Variants in TBCEL observed in about 807,000 individuals in gnomAD.
TBCEL encodes the protein tubulin-specific chaperone cofactor E-like protein.
A neutral mutation model predicts 44.2 loss-of-function variants in TBCEL; 15 were observed. That is an observed-to-expected ratio of 0.34 (90% CI 0.23 to 0.52). The LOEUF (loss-of-function observed/expected upper bound fraction) is 0.52. TBCEL is among the 20% of genes least tolerant of loss of function. The pLI, the probability that TBCEL is intolerant of heterozygous loss-of-function variation, is 0.95. For synonymous variants in TBCEL, 171 were observed against 185.4 expected, an observed-to-expected ratio of 0.92 and a Z score of 0.63; for missense variants, 319 against 506.3, an observed-to-expected ratio of 0.63 and a Z score of 3.55.
chr11:121,078,266 A>C (rs1029053072), intron 8 of TBCEL, among the ~76,000 whole-genome samples: 1 of 152,006 alleles, frequency 6.6e-6, no homozygotes, highest in African/African-American at 2.4e-5. Flanking sequence ...TTGTTGTTCT[A>C]CCAGTTTTTG....
At chr11:121,045,848 C>G (rs745923396) in intron 3 of TBCEL, 25 bp downstream of exon 3, 22 of 1,543,516 alleles carry the variant, frequency 1.4e-5, no homozygotes, top group Non-Finnish European at 1.7e-5. Context: ...ACCTAAAACA[C>G]TTATTTAGTG....
chr11:121,047,390 A>G (rs1202711359), intron 3 of TBCEL, 138 bp from the exon 4 acceptor site: 52 of 1,069,196 alleles, frequency 4.9e-5, no homozygotes, highest in Non-Finnish European at 7.0e-5. Context: ...CTTTGGTCCC[A>G]TTATATCCTG....
At chr11:121,035,070 A>T (rs577921376) in intron 1 of TBCEL, among the ~76,000 whole-genome samples, 1 of 152,352 alleles carries the variant, frequency 6.6e-6, no homozygotes, top group Admixed American at 6.5e-5. Flanking sequence ...ATTGCAAGTT[A>T]GTCCTCCAGC....
At chr11:121,058,866 G>T (rs1945669190) in intron 7 of TBCEL, among the ~76,000 whole-genome samples, 1 of 151,848 alleles carries the variant, frequency 6.6e-6, no homozygotes, top group South Asian at 2.1e-4. Flanking sequence ...TGTTTCATTA[G>T]TGGAAAACTT....
chr11:121,055,212 G>T lies in TBCEL; in HGVS notation c.616G>T (p.Val206Phe). Residue 206 changes from valine (V) to phenylalanine (F), a missense_variant, in exon 6 of 9, where the codon GTC (valine) becomes TTC (phenylalanine). By Grantham distance (50) the Val-to-Phe change is conservative. Coordinates refer to ENST00000683345, the MANE Select transcript of TBCEL (RefSeq NM_001363644.2). The stretch of plus-strand genomic sequence containing the variant: ...TATGTTTCCTTCACTGGATACCCTC[G>T]TCCTGGCCAACAATCATTTGAATGC... ...GVMFPSLDTL[V>F]LANNHLNAIE... 1 of 1,612,178 alleles carries T rather than the reference G, an allele frequency of 6.2e-7. No individual in the cohort carries two copies. Among genetic ancestry groups the T allele is most frequent in the Non-Finnish European group, 8.5e-7 (1 of 1,178,966 alleles).
At chr11:121,068,989 G>A (rs1945875244) in intron 8 of TBCEL, among the ~76,000 whole-genome samples, 1 of 151,422 alleles carries the variant, frequency 6.6e-6, no homozygotes, top group African/African-American at 2.4e-5. Flanking sequence ...GTTCCCTGTT[G>A]AGAATGCACC....
At chr11:121,044,293 G>A (rs748468826) in intron 2 of TBCEL, among the ~76,000 whole-genome samples, 4 of 151,944 alleles carry the variant, frequency 2.6e-5, no homozygotes, top group Non-Finnish European at 4.4e-5. Flanking sequence ...CTAAAACTTC[G>A]TTGTTGTATT....
At chr11:121,026,085 AATT>A (rs1179459305) in intron 1 of TBCEL, among the ~76,000 whole-genome samples, 1 of 152,222 alleles carries the variant, frequency 6.6e-6, no homozygotes, top group East Asian at 1.9e-4. Context: ...TTACTGCAGT[AATT>A]ATTATGATAT....
chr11:121,080,013 C>T (rs763719163), intron 8 of TBCEL, among the ~76,000 whole-genome samples: 1 of 152,180 alleles, frequency 6.6e-6, no homozygotes, highest in East Asian at 1.9e-4. Context: ...GACGGGGTTT[C>T]ACCATGTTGG....
intron 8 of TBCEL, among the ~76,000 whole-genome samples, chr11:121,066,943 A>G (rs922673122): frequency 6.6e-6 from 1 of 152,150 alleles, no homozygotes; most frequent in Non-Finnish European, 1.5e-5. Context: ...CATTTAATGA[A>G]ATTTTTTTAA....
chr11:121,024,899 T>A (rs1945018816), intron 1 of TBCEL, among the ~76,000 whole-genome samples: 1 of 152,098 alleles, frequency 6.6e-6, no homozygotes, highest in Admixed American at 6.5e-5. Flanking sequence ...GTTGGGAGAC[T>A]GAGAACGAGG....
At chr11:121,071,590 A>G (rs1440020822) in intron 8 of TBCEL, among the ~76,000 whole-genome samples, 1 of 152,192 alleles carries the variant, frequency 6.6e-6, no homozygotes, top group Non-Finnish European at 1.5e-5. Context: ...TGTCCCAAGT[A>G]ATCCCTAAAC....
In TBCEL at chr11:121,089,125, T is replaced by A. The variant is rs557368079; in HGVS notation, c.*2029T>A. ...AGTGTAATTGAGCCCTTTGCTTTTG[T>A]CAGCCTGGGAAACAGATGCGTTCTT... On this transcript the variant is annotated 3_prime_UTR_variant, in exon 9 of 9. Transcript: ENST00000683345. The A allele has an allele frequency of 6.6e-6, 1 of 152,328 alleles. No homozygotes were observed. The highest frequency in any genetic ancestry group is 2.1e-4 in the South Asian group (1 of 4,822). The allele number at this position is 152,328 out of a possible 1,614,324, so 9.4% of individuals were successfully genotyped here.
At chr11:121,037,535 T>C (rs890190041) in intron 2 of TBCEL, among the ~76,000 whole-genome samples, 1 of 152,350 alleles carries the variant, frequency 6.6e-6, no homozygotes, top group Admixed American at 6.5e-5. Context: ...ATGGGAGAGA[T>C]AGCTGTCATT....
At chr11:121,046,529 A>G (rs1945432712) in intron 3 of TBCEL, among the ~76,000 whole-genome samples, 1 of 152,048 alleles carries the variant, frequency 6.6e-6, no homozygotes, top group African/African-American at 2.4e-5. Flanking sequence ...TCTAAATACA[A>G]TAATTTTATC....
chr11:121,031,831 A>G (rs558413516), intron 1 of TBCEL, among the ~76,000 whole-genome samples: 9 of 151,252 alleles, frequency 6.0e-5, no homozygotes, highest in East Asian at 3.9e-4. Flanking sequence ...TGCCCGACTG[A>G]TTTTTTTGTG....
Position 121,053,563 on chromosome 11 carries a change from G to T in TBCEL, c.286G>T (p.Val96Leu). The stretch of plus-strand genomic sequence containing the variant: ...TTTTTCTCCTTAGGTCAGTAAAATT[G>T]TGTCAAATGTTCCTCAGTTGGAGTT... ...LEDWHEVSKI[V>L]SNVPQLEFLN... is the part of the protein sequence containing the mutation. Residue 96 changes from valine (V) to leucine (L), a missense_variant, in exon 5 of 9, where the codon GTG becomes TTG. Coordinates refer to ENST00000683345, the MANE Select transcript of TBCEL (RefSeq NM_001363644.2). 6.2e-7 allele frequency: 1 copy of T among 1,611,886 alleles called. No individual in the cohort carries two copies.
At chr11:121,050,567 G>A (rs1945511676) in intron 4 of TBCEL, among the ~76,000 whole-genome samples, 1 of 151,526 alleles carries the variant, frequency 6.6e-6, no homozygotes, top group Non-Finnish European at 1.5e-5. Flanking sequence ...ATTTTTGGCT[G>A]AGTAGATCTT....
intron 2 of TBCEL, among the ~76,000 whole-genome samples, chr11:121,039,292 T>C (rs1470166263): frequency 1.3e-5 from 2 of 152,256 alleles, no homozygotes; most frequent in Non-Finnish European, 2.9e-5. Context: ...TCTTTATCTT[T>C]CAAAATGGCT....
Sources: gnomAD v4.1 joint callset for allele counts (sites outside exome capture counted in the v4.1 genomes callset) on GRCh38, gnomAD v4.1.1 for gene constraint, MANE v1.5 for transcripts, NCBI Gene and HGNC (gene_info 2026-07-23, HGNC 2026-07-21) for gene names.